Variants in ZNF25 observed in about 807,000 individuals in gnomAD.
The protein encoded by ZNF25 is zinc finger protein 25, also known as zinc finger protein 25 (KOX 19).
ZNF25 carries 21 observed loss-of-function variants against 30.9 expected under a neutral mutation model. That is an observed-to-expected ratio of 0.68 (90% CI 0.48 to 0.98). The LOEUF (loss-of-function observed/expected upper bound fraction) is 0.98, where lower values mean the gene tolerates loss of function less well. ZNF25 is among the 50% of genes least tolerant of loss of function. The pLI is 0.00. For synonymous variants in ZNF25, 169 were observed against 181.3 expected (o/e 0.93, Z 0.55); for missense variants, 501 against 529.9 (o/e 0.95, Z 0.54).
chr10:37,972,594 G>A (rs1489003669), intron 1 of ZNF25, among the ~76,000 whole-genome samples: 1 of 152,154 alleles, frequency 6.6e-6, no homozygotes, highest in Admixed American at 6.5e-5. Flanking sequence ...TCTGCTGACA[G>A]TGACACAAAT....
chr10:37,964,404 T>C (rs2135393608), intron 2 of ZNF25, among the ~76,000 whole-genome samples: 1 of 152,246 alleles, frequency 6.6e-6, no homozygotes, highest in South Asian at 2.1e-4. Flanking sequence ...GATTAAATGG[T>C]CGTGACCAAA....
At position 37,960,704 on chromosome 10, in the gene ZNF25, T is replaced by C. The variant is rs967109226; in HGVS notation, c.16-3158A>G. Among the ~76,000 whole-genome samples, 15 of 144,082 alleles carry C rather than the reference T, an allele frequency of 1.0e-4. 1 individual carries two copies. Among genetic ancestry groups the C allele is most frequent in the African/African-American group, 3.9e-4 (15 of 38,404 alleles). The allele number at this position is 144,082 out of a possible 152,430, so 94.5% of individuals were successfully genotyped here. A position where few individuals can be genotyped will look rare whatever the true frequency, so the allele number is the denominator to read the frequency against. On this transcript the variant is annotated intron_variant, in intron 2 of 5. Transcript: ENST00000302609. ...ATGGCAGGAGACTAGGCCCAGACCA[T>C]GGAGCCTGAGAGAACTTCTCTAAAC... is the stretch of plus-strand genomic sequence containing the variant.
chr10:37,971,865 C>T (rs1486632700), intron 1 of ZNF25, 58 bp from the exon 2 acceptor site: 4 of 1,153,616 alleles, frequency 3.5e-6, no homozygotes, highest in Non-Finnish European at 1.3e-6. Flanking sequence ...GAAAATGTCC[C>T]TTTGACCCAT....
At chr10:37,956,249 T>C (rs1384922126) in intron 4 of ZNF25, among the ~76,000 whole-genome samples, 1 of 152,210 alleles carries the variant, frequency 6.6e-6, no homozygotes, top group Non-Finnish European at 1.5e-5. Flanking sequence ...ATACCGATTT[T>C]TAATCTGAGC....
intron 4 of ZNF25, 140 bp downstream of exon 4, chr10:37,956,880 A>G: frequency 1.6e-6 from 1 of 634,884 alleles, no homozygotes; most frequent in Non-Finnish European, 2.7e-6. Flanking sequence ...GCAACATTGG[A>G]CTCCAGCCTG....
chr10:37,976,590 A>T lies in ZNF25; in HGVS notation c.-170T>A. On this transcript the variant is annotated 5_prime_UTR_variant, in exon 1 of 6. Coordinates refer to ENST00000302609, the MANE Select transcript of ZNF25 (RefSeq NM_145011.4). Reference sequence around the variant, plus strand: ...CCCAGCCCAGACCCGGAGGCACCGGAGTCCTCTCCCCACCCTAGGGCGTAA... The same window carrying T: ...CCCAGCCCAGACCCGGAGGCACCGGTGTCCTCTCCCCACCCTAGGGCGTAA... The T allele has an allele frequency of 6.5e-6, 1 of 152,742 alleles. No homozygotes were observed. The highest frequency in any genetic ancestry group is 1.5e-5 in the Non-Finnish European group (1 of 68,396). The allele number at this position is 152,742 out of a possible 1,614,324, so 9.5% of individuals were successfully genotyped here.
At position 37,953,190 on chromosome 10, in the gene ZNF25, C is replaced by G. The variant is rs772452522; in HGVS notation, c.308G>C (p.Gly103Ala). 6.3e-7 allele frequency: 1 copy of G among 1,577,978 alleles called. No homozygotes were observed. The highest frequency in any genetic ancestry group is 1.2e-5 in the South Asian group (1 of 84,668). Residue 103 changes from glycine (G) to alanine (A), a missense_variant, in exon 6 of 6, where the codon GGA (glycine) becomes GCA (alanine). Coordinates refer to ENST00000302609, the MANE Select transcript of ZNF25 (RefSeq NM_145011.4). Reference sequence around the variant, plus strand: ...AGTTTTCTGATGTTTTGTGAGTTCTCCATTCCTAGACAGAAAGTTCCACAT... The same window carrying G: ...AGTTTTCTGATGTTTTGTGAGTTCTGCATTCCTAGACAGAAAGTTCCACAT... The part of the protein sequence containing the change: ...QESQAGNSRN[G>A]ELTKHQKTHT...
At position 37,952,618 on chromosome 10, in the gene ZNF25, A is replaced by G. The variant is rs2062224434; in HGVS notation, c.880T>C (p.Phe294Leu). The change falls in exon 6 of 6, where the codon TTC becomes CTC. Residue 294 changes from phenylalanine (F) to leucine (L), a missense_variant. By Grantham distance (22) the Phe-to-Leu change is conservative. Transcript: ENST00000302609. ...KPYKCKECGK[F>L]FSRNSHLKTH... ...TTGAGGTGTGAATTCCTAGAGAAGA[A>G]TTTCCCACATTCCTTACATTTATAG... is the stretch of plus-strand genomic sequence containing the variant. 2 of 1,611,624 alleles carry G rather than the reference A, an allele frequency of 1.2e-6. No individual in the cohort carries two copies. Among genetic ancestry groups the G allele is most frequent in the African/African-American group, 1.3e-5 (1 of 74,090 alleles).
intron 1 of ZNF25, among the ~76,000 whole-genome samples, chr10:37,973,192 ATT>A (rs1178177685): frequency 2.6e-5 from 4 of 152,024 alleles, no homozygotes; most frequent in African/African-American, 4.8e-5. Flanking sequence ...AATCAGTAGC[ATT>A]TCCATACACC....
intron 4 of ZNF25, among the ~76,000 whole-genome samples, chr10:37,954,762 G>T (rs2062409468): frequency 6.6e-6 from 1 of 152,178 alleles, no homozygotes; most frequent in South Asian, 2.1e-4. Flanking sequence ...ATCAGCAGAT[G>T]CTTGGGGTTG....
chr10:37,974,391 C>G (rs2063677642), intron 1 of ZNF25, among the ~76,000 whole-genome samples: 1 of 151,966 alleles, frequency 6.6e-6, no homozygotes, highest in Non-Finnish European at 1.5e-5. Flanking sequence ...GAATTAATAA[C>G]CAGAATATAC....
rs916314816 is a variant in ZNF25, at chr10:37,976,512, G to A, written c.-92C>T. 5 of 152,278 alleles carry A rather than the reference G, an allele frequency of 3.3e-5. No homozygotes were observed. Among genetic ancestry groups the A allele is most frequent in the African/African-American group, 9.7e-5 (4 of 41,446 alleles). The allele number at this position is 152,278 out of a possible 1,614,324, so 9.4% of individuals were successfully genotyped here. On this transcript the variant is annotated 5_prime_UTR_variant, in exon 1 of 6. Coordinates refer to ENST00000302609, the MANE Select transcript of ZNF25 (RefSeq NM_145011.4). ...GCAAAAGCCTTCGACACACCTGCAG[G>A]GTCTCGGCCTCTGCTCCCGGCCCGC...
rs764270920 is a variant in ZNF25 at position 37,974,034 on chromosome 10, G to GA, written c.-85-2228_-85-2227insT. 8.5e-5 allele frequency among the ~76,000 whole-genome samples: 13 copies of GA among 152,292 alleles called. No homozygotes were observed. The South Asian group carries it at 1.5e-3, about 17-fold the overall frequency. ...AAGAACATACATTGGAGAAATGACA[G>GA]TTTCTTCAATAAATGGTGCTGAGAA... On this transcript the variant is annotated intron_variant, in intron 1 of 5. Transcript: ENST00000302609.
chr10:37,971,227 A>C (rs1287806069), intron 2 of ZNF25, among the ~76,000 whole-genome samples: 2 of 151,954 alleles, frequency 1.3e-5, no homozygotes, highest in Admixed American at 6.6e-5. Context: ...GAGGCAGGAG[A>C]ATCACTTGAA....
At chr10:37,961,804 C>T (rs1396899212) in intron 2 of ZNF25, among the ~76,000 whole-genome samples, 1 of 151,736 alleles carries the variant, frequency 6.6e-6, no homozygotes, top group African/African-American at 2.4e-5. Context: ...GCCTGTAATC[C>T]CAGCTACTCA....
At chr10:37,966,103 G>A (rs797016140) in intron 2 of ZNF25, among the ~76,000 whole-genome samples, 1 of 152,138 alleles carries the variant, frequency 6.6e-6, no homozygotes, top group Non-Finnish European at 1.5e-5. Flanking sequence ...GAGGGTATTA[G>A]TGTGTTATCA....
intron 1 of ZNF25, among the ~76,000 whole-genome samples, chr10:37,972,438 C>G (rs535918721): frequency 1.3e-3 from 193 of 152,202 alleles, no homozygotes; most frequent in South Asian, 8.3e-3. Context: ...CTTGCACAAC[C>G]CTTCATGTAC....
At chr10:37,958,465 C>T (rs1226347336) in intron 2 of ZNF25, among the ~76,000 whole-genome samples, 1 of 151,986 alleles carries the variant, frequency 6.6e-6, no homozygotes. Context: ...AGGCATAGGA[C>T]CAAGATTAGT....
intron 2 of ZNF25, among the ~76,000 whole-genome samples, chr10:37,966,340 G>A (rs1048012424): frequency 6.6e-6 from 1 of 151,968 alleles, no homozygotes; most frequent in Non-Finnish European, 1.5e-5. Context: ...CTTGAACCCG[G>A]GAGGTGGAGG....
Sources: gnomAD v4.1 joint callset for allele counts (sites outside exome capture counted in the v4.1 genomes callset) on GRCh38, gnomAD v4.1.1 for gene constraint, MANE v1.5 for transcripts, NCBI Gene and HGNC (gene_info 2026-07-23, HGNC 2026-07-21) for gene names.